Variants in CA10 observed in about 807,000 individuals in gnomAD.
CA10 encodes the protein carbonic anhydrase 10 (inactive).
Under a neutral mutation model 44.2 loss-of-function variants are expected in CA10, and 14 were observed. That is an observed-to-expected ratio of 0.32 (90% confidence interval 0.21 to 0.50). CA10 has a LOEUF of 0.50. CA10 is among the 20% of genes least tolerant of loss of function. The pLI is 0.99. For missense variants in CA10, 350 were observed against 409.7 expected (o/e 0.85, Z 1.26); for synonymous variants, 159 against 141.6 (o/e 1.12, Z -0.87).
intron 3 of CA10, among the ~76,000 whole-genome samples, chr17:51,806,486 GA>G (rs1484169612): frequency 6.6e-6 from 1 of 152,234 alleles, no homozygotes; most frequent in African/African-American, 2.4e-5. Flanking sequence ...ACATCTCACT[GA>G]ACAAGTAAAT....
At chr17:51,823,068 G>A (rs151203364) in intron 3 of CA10, among the ~76,000 whole-genome samples, 24 of 152,270 alleles carry the variant, frequency 1.6e-4, no homozygotes, top group East Asian at 7.7e-4. Flanking sequence ...CCTGGGCAGC[G>A]CTTTATTTAT....
In CA10 at chr17:51,643,581, C is replaced by A. The variant is rs558405486; in HGVS notation, c.634+5601G>T. On this transcript the variant is annotated intron_variant, in intron 6 of 8. Transcript: ENST00000451037. ...CTCAGACATATGAAATCTAAGCTTGCAAGGAAAGTAAAGTAGTAGAATCTC... is the reference window on the plus strand; with the variant it reads ...CTCAGACATATGAAATCTAAGCTTGAAAGGAAAGTAAAGTAGTAGAATCTC... 1.3e-3 allele frequency among the ~76,000 whole-genome samples: 191 copies of A among 152,222 alleles called. 1 individual carries two copies. Among genetic ancestry groups the A allele is most frequent in the African/African-American group, 4.2e-3 (176 of 41,544 alleles).
At chr17:51,679,202 A>T (rs555556524) in intron 4 of CA10, among the ~76,000 whole-genome samples, 22 of 151,084 alleles carry the variant, frequency 1.5e-4, no homozygotes, top group African/African-American at 5.4e-4. Flanking sequence ...CTGATTCATT[A>T]TGTCTGGGGC....
intron 3 of CA10, among the ~76,000 whole-genome samples, chr17:51,768,674 T>C (rs1319493114): frequency 3.3e-5 from 5 of 152,174 alleles, no homozygotes; most frequent in Admixed American, 3.3e-4. Flanking sequence ...ACAGTTACCT[T>C]CTCTCCATTG....
At chr17:51,694,719 CTA>C (rs1486603309) in intron 4 of CA10, among the ~76,000 whole-genome samples, 1 of 152,024 alleles carries the variant, frequency 6.6e-6, no homozygotes, top group African/African-American at 2.4e-5. Context: ...TATTCATAAA[CTA>C]TATCCCAAGG....
chr17:51,837,889 G>A (rs1978292427), intron 3 of CA10, among the ~76,000 whole-genome samples: 1 of 152,148 alleles, frequency 6.6e-6, no homozygotes, highest in Non-Finnish European at 1.5e-5. Context: ...TGCTCTTCAA[G>A]TTAACATTTC....
At chr17:51,927,930 A>G (rs1486115365) in intron 3 of CA10, among the ~76,000 whole-genome samples, 4 of 152,194 alleles carry the variant, frequency 2.6e-5, no homozygotes, top group East Asian at 1.9e-4. Context: ...TAGCAATTGG[A>G]TGTTAAATTT....
At chr17:51,999,164 T>C (rs1985337959) in intron 2 of CA10, among the ~76,000 whole-genome samples, 1 of 152,016 alleles carries the variant, frequency 6.6e-6, no homozygotes, top group South Asian at 2.1e-4. Context: ...CAAGCAAGCG[T>C]TGTTTGGGGT....
At chr17:51,830,177 C>T (rs974940172) in intron 3 of CA10, among the ~76,000 whole-genome samples, 1 of 110,442 alleles carries the variant, frequency 9.1e-6, no homozygotes, top group Non-Finnish European at 1.7e-5. Flanking sequence ...AGGCTGGCAA[C>T]AGAGCAAGAC....
chr17:51,745,619 G>A (rs1175311681), intron 4 of CA10, among the ~76,000 whole-genome samples: 1 of 152,110 alleles, frequency 6.6e-6, no homozygotes, highest in African/African-American at 2.4e-5. Context: ...GATTTTGGAA[G>A]CACTCATTTA....
intron 4 of CA10, among the ~76,000 whole-genome samples, chr17:51,659,681 T>C (rs149425685): frequency 3.3e-5 from 5 of 152,300 alleles, no homozygotes; most frequent in Admixed American, 2.0e-4. Flanking sequence ...CACCTCTTTG[T>C]GTGAGAGACG....
At chr17:51,734,647 G>C (rs1916837079) in intron 4 of CA10, among the ~76,000 whole-genome samples, 2 of 152,120 alleles carry the variant, frequency 1.3e-5, no homozygotes, top group African/African-American at 4.8e-5. Flanking sequence ...CCATCTGGGG[G>C]CAGGGAAGGG....
intron 4 of CA10, among the ~76,000 whole-genome samples, chr17:51,669,710 C>A (rs1597974732): frequency 1.3e-5 from 2 of 152,180 alleles, no homozygotes; most frequent in South Asian, 2.1e-4. Context: ...TGCAGCTTCA[C>A]TCCTGAAGCC....
At chr17:51,733,812 A>G (rs1195697756) in intron 4 of CA10, among the ~76,000 whole-genome samples, 1 of 152,200 alleles carries the variant, frequency 6.6e-6, no homozygotes, top group East Asian at 1.9e-4. Flanking sequence ...GATGATGCTG[A>G]TAAATTCCTG....
At chr17:51,658,298 A>AAGAC (rs369002574) in intron 4 of CA10, among the ~76,000 whole-genome samples, 36 of 152,356 alleles carry the variant, frequency 2.4e-4, no homozygotes, top group African/African-American at 8.7e-4. Flanking sequence ...CAATTGGAAT[A>AAGAC]AGACTGAGAA....
intron 1 of CA10, among the ~76,000 whole-genome samples, chr17:52,088,929 A>G (rs980268457): frequency 6.6e-6 from 1 of 152,210 alleles, no homozygotes; most frequent in Admixed American, 6.5e-5. Flanking sequence ...TATAGATTAT[A>G]TACAAATCTG....
chr17:51,931,318 T>C (rs895267147), intron 2 of CA10, among the ~76,000 whole-genome samples, 186 bp from the exon 3 acceptor site: 1 of 152,110 alleles, frequency 6.6e-6, no homozygotes, highest in African/African-American at 2.4e-5. Flanking sequence ...CTCTAAGTCT[T>C]ACCTGCATGG....
intron 2 of CA10, among the ~76,000 whole-genome samples, chr17:52,049,226 C>A (rs150526723): frequency 1.3e-5 from 2 of 152,010 alleles, no homozygotes; most frequent in Non-Finnish European, 2.9e-5. Context: ...CCACAGGATG[C>A]TCAGAATAGT....
At chr17:52,108,122 T>C (rs1287216900) in intron 1 of CA10, among the ~76,000 whole-genome samples, 5 of 149,406 alleles carry the variant, frequency 3.3e-5, no homozygotes, top group African/African-American at 1.2e-4. Flanking sequence ...AAATGAATAA[T>C]TGTATTTGCT....
Sources: allele counts gnomAD v4.1 joint callset (sites outside exome capture counted in the v4.1 genomes callset), GRCh38; gene constraint gnomAD v4.1.1; transcripts MANE v1.5; gene names NCBI Gene and HGNC (gene_info 2026-07-23, HGNC 2026-07-21).